COMMD1: variants seen among roughly 807,000 people sequenced by gnomAD.
COMMD1 encodes COMM domain-containing protein 1.
Under a neutral mutation model 17.2 loss-of-function variants are expected in COMMD1, and 10 were observed. The observed-to-expected ratio is 0.58, with a 90% CI of 0.36 to 0.99. The LOEUF (loss-of-function observed/expected upper bound fraction) is 0.99, where lower values mean the gene tolerates loss of function less well. Ranked by LOEUF, COMMD1 falls within the 50% of genes least tolerant of loss-of-function variation. The pLI, the probability that COMMD1 is intolerant of heterozygous loss-of-function variation, is 0.01. For synonymous variants in COMMD1, 97 were observed against 91.6 expected, an observed-to-expected ratio of 1.06 and a Z score of -0.34; for missense variants, 270 against 231.8, an observed-to-expected ratio of 1.17 and a Z score of -1.07.
chr2:62,067,802 T>TAG (rs1671095358), intron 2 of COMMD1, among the ~76,000 whole-genome samples: 1 of 152,292 alleles, frequency 6.6e-6, no homozygotes, highest in East Asian at 1.9e-4. Flanking sequence ...GAGGATCTTC[T>TAG]AGAGAGAGAT....
In COMMD1 at chr2:61,910,644, T is replaced by C. The variant is rs1161723768; in HGVS notation, c.180+4786T>C. ...ATCTTTATTGCTATTGCTGTTAACC[T>C]TGTGGATATGCTCAATTCCAGTAAA... On this transcript the variant is annotated intron_variant, in intron 1 of 2. Transcript: ENST00000311832. Among the ~76,000 whole-genome samples the C allele has an allele frequency of 2.0e-5, 3 of 152,228 alleles. No homozygotes were observed. The East Asian group carries it at 5.8e-4, about 29-fold the overall frequency.
At chr2:62,101,423 A>G (rs910805304) in intron 2 of COMMD1, among the ~76,000 whole-genome samples, 4 of 152,186 alleles carry the variant, frequency 2.6e-5, no homozygotes, top group African/African-American at 9.7e-5. Flanking sequence ...AGCCTGGGCA[A>G]CATAGCAAGA....
At chr2:62,081,635 T>C (rs902426856) in intron 2 of COMMD1, among the ~76,000 whole-genome samples, 1 of 152,198 alleles carries the variant, frequency 6.6e-6, no homozygotes, top group African/African-American at 2.4e-5. Context: ...TCTGTTGTCA[T>C]GTCTACTAGC....
At chr2:61,905,629 G>A (rs1304883626), upstream of COMMD1, 4 of 1,485,180 alleles carry the variant, frequency 2.7e-6, no homozygotes, top group South Asian at 1.3e-5. Flanking sequence ...CATCTCGGCC[G>A]CCGTGGCGGG....
chr2:62,095,916 CATATAT>C (rs776573572), intron 2 of COMMD1, among the ~76,000 whole-genome samples: 4 of 141,022 alleles, frequency 2.8e-5, no homozygotes, highest in Admixed American at 7.1e-5. Flanking sequence ...TGTATATATA[CATATAT>C]ATATATATGT....
intron 2 of COMMD1, chr2:62,055,542 G>A (rs527663956): frequency 1.3e-5 from 6 of 447,858 alleles, no homozygotes; most frequent in East Asian, 1.4e-4. Context: ...TTTGCCACAT[G>A]GAGACCAAGC....
At chr2:62,050,832 C>A (rs1670515740) in intron 2 of COMMD1, among the ~76,000 whole-genome samples, 1 of 151,666 alleles carries the variant, frequency 6.6e-6, no homozygotes, top group African/African-American at 2.4e-5. Flanking sequence ...AGAACATGAA[C>A]TTTTTTTTTC....
chr2:61,901,482 G>C (rs1419314819), upstream of COMMD1, among the ~76,000 whole-genome samples: 1 of 151,858 alleles, frequency 6.6e-6, no homozygotes, highest in East Asian at 2.0e-4. Flanking sequence ...AATTAGGTCA[G>C]CGTGGTGGTG....
chr2:61,904,284 T>A (rs934303486), upstream of COMMD1, among the ~76,000 whole-genome samples: 2 of 152,236 alleles, frequency 1.3e-5, no homozygotes, highest in East Asian at 3.8e-4. Flanking sequence ...GTGCTGGGAT[T>A]AGAGGCGTGA....
intron 1 of COMMD1, among the ~76,000 whole-genome samples, chr2:61,912,827 A>G (rs1669944604): frequency 6.6e-6 from 1 of 152,252 alleles, no homozygotes; most frequent in Admixed American, 6.5e-5. Flanking sequence ...TAATAACAGA[A>G]TTGAATGGCT....
intron 2 of COMMD1, among the ~76,000 whole-genome samples, chr2:62,092,494 G>A (rs1671862324): frequency 6.6e-6 from 1 of 152,158 alleles, no homozygotes; most frequent in Non-Finnish European, 1.5e-5. Flanking sequence ...TGTTTTAGGA[G>A]TGAAATGTGA....
chr2:62,001,802 T>C (rs1261193052), intron 2 of COMMD1, among the ~76,000 whole-genome samples: 1 of 152,224 alleles, frequency 6.6e-6, no homozygotes, highest in Non-Finnish European at 1.5e-5. Context: ...TTTTATAGTT[T>C]CTTTAGATTT....
chr2:61,974,171 G>C (rs957437732), intron 1 of COMMD1, among the ~76,000 whole-genome samples: 4 of 152,272 alleles, frequency 2.6e-5, no homozygotes, highest in Non-Finnish European at 4.4e-5. Context: ...GCATGCCTTT[G>C]TAATCCCAGC....
Position 62,080,699 on chromosome 2 carries a change from T to C in COMMD1, c.463-55132T>C, listed in dbSNP as rs528769418. Among the ~76,000 whole-genome samples the C allele has an allele frequency of 3.9e-5, 6 of 152,178 alleles. No individual in the cohort carries two copies. In the South Asian group the frequency reaches 1.2e-3, roughly 32 times the overall value. On this transcript the variant is annotated intron_variant, in intron 2 of 2. Coordinates refer to ENST00000311832, the MANE Select transcript of COMMD1 (RefSeq NM_152516.4). ...CAAAACTTAAATAAGAGATCCCCATTTCTACCAATATTAGTATTCTTTGAC... is the reference window on the plus strand; with the variant it reads ...CAAAACTTAAATAAGAGATCCCCATCTCTACCAATATTAGTATTCTTTGAC...
At chr2:61,929,580 G>C (rs903735187) in intron 1 of COMMD1, among the ~76,000 whole-genome samples, 2 of 152,060 alleles carry the variant, frequency 1.3e-5, no homozygotes, top group Non-Finnish European at 2.9e-5. Context: ...CAATATTCAG[G>C]TTCAACTGTT....
At chr2:62,113,345 C>G (rs1174709722) in intron 2 of COMMD1, among the ~76,000 whole-genome samples, 1 of 152,018 alleles carries the variant, frequency 6.6e-6, no homozygotes, top group Non-Finnish European at 1.5e-5. Flanking sequence ...GAGCAAGACA[C>G]CGTCTCAAAA....
chr2:61,999,668 GTCC>G (rs1668867980), intron 1 of COMMD1, among the ~76,000 whole-genome samples: 1 of 151,936 alleles, frequency 6.6e-6, no homozygotes, highest in South Asian at 2.1e-4. Flanking sequence ...GGCTCCAGCT[GTCC>G]TCCTGCCTCA....
intron 2 of COMMD1, among the ~76,000 whole-genome samples, chr2:62,037,497 T>G (rs952937411): frequency 6.6e-6 from 1 of 152,212 alleles, no homozygotes; most frequent in Non-Finnish European, 1.5e-5. Context: ...ATTATGAAAG[T>G]CTTAGATATG....
At position 62,016,629 on chromosome 2, in the gene COMMD1, A is replaced by G. The variant is rs539161668; in HGVS notation, c.462+15647A>G. On this transcript the variant is annotated intron_variant, in intron 2 of 2. Transcript: ENST00000311832. ...GTATTCAGGATATCAATCACATATT[A>G]GATATATGGATTTGCAAATATTTTC... Among the ~76,000 whole-genome samples the G allele has an allele frequency of 4.3e-4, 66 of 151,840 alleles. No homozygotes were observed. The South Asian group carries it at 0.013, about 31-fold the overall frequency.
Sources: gnomAD v4.1 joint callset for allele counts (sites outside exome capture counted in the v4.1 genomes callset) on GRCh38, gnomAD v4.1.1 for gene constraint, MANE v1.5 for transcripts, NCBI Gene and HGNC (gene_info 2026-07-23, HGNC 2026-07-21) for gene names.